RNF11: variants seen among roughly 807,000 people sequenced by gnomAD.
RNF11 encodes ring finger protein 11.
RNF11 carries 4 observed loss-of-function variants against 15.8 expected under a neutral mutation model. The observed-to-expected ratio is 0.25, with a 90% CI of 0.12 to 0.58. The LOEUF (loss-of-function observed/expected upper bound fraction) is 0.58, where lower values mean the gene tolerates loss of function less well. RNF11 is among the 20% of genes least tolerant of loss of function. The pLI, the probability that RNF11 is intolerant of heterozygous loss-of-function variation, is 0.91. For synonymous variants in RNF11, 68 were observed against 72.3 expected, an observed-to-expected ratio of 0.94 and a Z score of 0.30; for missense variants, 139 against 194.4, an observed-to-expected ratio of 0.71 and a Z score of 1.70.
intron 1 of RNF11, among the ~76,000 whole-genome samples, chr1:51,263,073 C>G (rs1646938263): frequency 6.6e-6 from 1 of 152,152 alleles, no homozygotes; most frequent in Admixed American, 6.5e-5. Context: ...ACAACCATCA[C>G]TTACCAATAC....
intron 1 of RNF11, among the ~76,000 whole-genome samples, chr1:51,237,977 C>T (rs972341517): frequency 6.8e-6 from 1 of 146,732 alleles, no homozygotes; most frequent in East Asian, 2.0e-4. Context: ...TATATATGCT[C>T]GTTTTCTGAA....
Position 51,270,144 on chromosome 1 carries a change from G to T in RNF11, c.293+19G>T, listed in dbSNP as rs1646971722. The T allele has an allele frequency of 6.4e-7, 1 of 1,571,482 alleles. No homozygotes were observed. Among genetic ancestry groups the T allele is most frequent in the Non-Finnish European group, 8.6e-7 (1 of 1,162,170 alleles). Reference sequence around the variant, plus strand: ...TCCGGGAGTAAGTTTTAATTAATTTGTACATTTCAAAGTTTTATTTTCAGA... The same window carrying T: ...TCCGGGAGTAAGTTTTAATTAATTTTTACATTTCAAAGTTTTATTTTCAGA... On this transcript the variant is annotated intron_variant, in intron 2 of 2. Transcript: ENST00000242719.
chr1:51,244,903 T>C (rs1569655820), intron 1 of RNF11, among the ~76,000 whole-genome samples: 1 of 152,232 alleles, frequency 6.6e-6, no homozygotes, highest in Non-Finnish European at 1.5e-5. Flanking sequence ...GAGCTAATTA[T>C]AGGGTAACTT....
chr1:51,256,742 C>T (rs571989904), intron 1 of RNF11, among the ~76,000 whole-genome samples: 62 of 152,222 alleles, frequency 4.1e-4, no homozygotes, highest in South Asian at 1.0e-3. Flanking sequence ...GGCGTGATCT[C>T]AGCTCACCAC....
intron 1 of RNF11, among the ~76,000 whole-genome samples, chr1:51,239,360 G>A (rs919651390): frequency 6.6e-6 from 1 of 152,172 alleles, no homozygotes; most frequent in Non-Finnish European, 1.5e-5. Flanking sequence ...GACAGTGGGA[G>A]TTTTTTATGG....
intron 1 of RNF11, among the ~76,000 whole-genome samples, chr1:51,258,634 T>G (rs1646915859): frequency 6.6e-6 from 1 of 152,246 alleles, no homozygotes; most frequent in Non-Finnish European, 1.5e-5. Context: ...AATACCCATA[T>G]GTATAACATC....
At chr1:51,270,604 A>G (rs565371634) in intron 2 of RNF11, among the ~76,000 whole-genome samples, 4 of 152,372 alleles carry the variant, frequency 2.6e-5, no homozygotes, top group Non-Finnish European at 5.9e-5. Flanking sequence ...GCTTTAACTT[A>G]CAGCAACCCA....
At chr1:51,258,412 A>C (rs926022162) in intron 1 of RNF11, among the ~76,000 whole-genome samples, 14 of 152,206 alleles carry the variant, frequency 9.2e-5, no homozygotes, top group Non-Finnish European at 1.9e-4. Flanking sequence ...AGAAAATGTT[A>C]TATAATACAC....
At chr1:51,250,780 C>A (rs112015741) in intron 1 of RNF11, 82 of 1,431,874 alleles carry the variant, frequency 5.7e-5, no homozygotes, top group Non-Finnish European at 7.6e-5. Flanking sequence ...GCGAAGTTGC[C>A]CAGGGTGGCA....
intron 1 of RNF11, among the ~76,000 whole-genome samples, chr1:51,240,395 TGTTTG>T (rs1378451179): frequency 6.6e-6 from 1 of 152,172 alleles, no homozygotes; most frequent in African/African-American, 2.4e-5. Context: ...CTGACCACCC[TGTTTG>T]AAAGTGCAAC....
At chr1:51,240,447 GT>G (rs58755938) in intron 1 of RNF11, among the ~76,000 whole-genome samples, 9 of 152,086 alleles carry the variant, frequency 5.9e-5, no homozygotes, top group East Asian at 3.9e-4. Context: ...TCACCCTGTT[GT>G]TTTCCCCCCC....
chr1:51,248,204 TC>T (rs1646861445), intron 1 of RNF11, among the ~76,000 whole-genome samples: 1 of 148,718 alleles, frequency 6.7e-6, no homozygotes, highest in Non-Finnish European at 1.5e-5. Context: ...ATTTTCTTTT[TC>T]TTTTTTTTTT....
intron 1 of RNF11, chr1:51,251,115 G>T (rs2148068354): frequency 1.3e-6 from 2 of 1,553,742 alleles, no homozygotes; most frequent in Non-Finnish European, 1.7e-6. Flanking sequence ...CTTGAACCTG[G>T]TGCGCTGGCC....
Position 51,236,705 on chromosome 1 carries a change from GAC to G in RNF11, c.-51_-50del. 6.2e-7 allele frequency: 1 copy of G among 1,603,428 alleles called. No homozygotes were observed. The highest frequency in any genetic ancestry group is 1.3e-5 in the African/African-American group (1 of 74,546). The stretch of plus-strand genomic sequence containing the variant: ...GAGGCGGACCGCGGAGTGTGCGAAC[GAC>G]CCCACCGCTGCTTTCTCCTCCCCCA... On this transcript the variant is annotated 5_prime_UTR_variant, in exon 1 of 3. Coordinates refer to ENST00000242719, the MANE Select transcript of RNF11 (RefSeq NM_014372.5).
chr1:51,248,510 C>A (rs1042409865), intron 1 of RNF11, among the ~76,000 whole-genome samples: 3 of 152,114 alleles, frequency 2.0e-5, no homozygotes, highest in Non-Finnish European at 4.4e-5. Context: ...CCTCTAGTTT[C>A]TTCTATCAGT....
chr1:51,239,515 T>G (rs1366378801), intron 1 of RNF11, among the ~76,000 whole-genome samples: 1 of 152,128 alleles, frequency 6.6e-6, no homozygotes, highest in African/African-American at 2.4e-5. Flanking sequence ...AAGATCTGTC[T>G]TAGGAATGGT....
chr1:51,254,235 A>C (rs1363908695), intron 1 of RNF11, among the ~76,000 whole-genome samples: 1 of 152,246 alleles, frequency 6.6e-6, no homozygotes, highest in African/African-American at 2.4e-5. Flanking sequence ...AGAATAAAAC[A>C]TGGTCTCCTT....
intron 1 of RNF11, among the ~76,000 whole-genome samples, chr1:51,255,252 A>T (rs1646899265): frequency 6.6e-6 from 1 of 152,100 alleles, no homozygotes; most frequent in South Asian, 2.1e-4. Context: ...TAAGTTTGTT[A>T]CATTTAATTT....
At chr1:51,266,758 A>G (rs1646956682) in intron 1 of RNF11, among the ~76,000 whole-genome samples, 2 of 152,178 alleles carry the variant, frequency 1.3e-5, no homozygotes, top group South Asian at 4.1e-4. Context: ...CCACTGTGCC[A>G]GGCGCATTAG....
Sources: allele counts gnomAD v4.1 joint callset (sites outside exome capture counted in the v4.1 genomes callset), GRCh38; gene constraint gnomAD v4.1.1; transcripts MANE v1.5; gene names NCBI Gene and HGNC (gene_info 2026-07-23, HGNC 2026-07-21).